PTPRD: variants seen among roughly 807,000 people sequenced by gnomAD.
PTPRD encodes protein tyrosine phosphatase receptor type D.
A neutral mutation model predicts 214.5 loss-of-function variants in PTPRD; 34 were observed. That is an observed-to-expected ratio of 0.16 (90% CI 0.12 to 0.21). PTPRD has a LOEUF of 0.21. Among genes scored for constraint, PTPRD ranks in the 10% least tolerant of loss-of-function variants. The probability of loss-of-function intolerance (pLI) is 1.00; values close to 1 mark genes in which losing one functional copy is unlikely to be tolerated. For synonymous variants in PTPRD, 1,128 were observed against 845.7 expected, an observed-to-expected ratio of 1.33 and a Z score of -5.79; for missense variants, 2,545 against 2,398.7, an observed-to-expected ratio of 1.06 and a Z score of -1.27.
chr9:10,006,975 A>G (rs941978882), intron 4 of PTPRD, among the ~76,000 whole-genome samples: 1 of 151,966 alleles, frequency 6.6e-6, no homozygotes, highest in African/African-American at 2.4e-5. Context: ...CTATTGGTAT[A>G]ATAGCAATAA....
intron 4 of PTPRD, among the ~76,000 whole-genome samples, chr9:9,981,503 C>T (rs940562845): frequency 4.6e-5 from 7 of 151,426 alleles, no homozygotes; most frequent in South Asian, 2.1e-4. Context: ...TACAGGTGCC[C>T]GCCACCATGC....
In PTPRD at chr9:9,375,553, G is replaced by A. The variant is rs576277450; in HGVS notation, c.-203+21896C>T. On this transcript the variant is annotated intron_variant, in intron 9 of 45. Coordinates refer to ENST00000381196, the MANE Select transcript of PTPRD (RefSeq NM_002839.4). ...GGAGGCTGCAGTGAGCCAAGATTGC[G>A]CCACTGCACTCTAGCCTGGGCAACA... Among the ~76,000 whole-genome samples, 14 of 152,144 alleles carry A rather than the reference G, an allele frequency of 9.2e-5. No homozygotes were observed. The East Asian group carries it at 9.7e-4, about 11-fold the overall frequency.
intron 2 of PTPRD, among the ~76,000 whole-genome samples, chr9:10,452,493 C>CT (rs1360878074): frequency 1.3e-5 from 2 of 151,642 alleles, no homozygotes; most frequent in South Asian, 2.1e-4. Context: ...TTGTTATCTT[C>CT]TTTTTTTATA....
chr9:8,735,151 T>G (rs1396783027), intron 11 of PTPRD, among the ~76,000 whole-genome samples: 2 of 125,130 alleles, frequency 1.6e-5, no homozygotes, highest in Admixed American at 8.3e-5. Flanking sequence ...TTTTTTTTTC[T>G]GTTTTTTTTT....
rs996733665 is a variant in PTPRD at position 10,286,457 on chromosome 9, A to T, written c.-545+54506T>A. Among the ~76,000 whole-genome samples, 9 of 152,258 alleles carry T rather than the reference A, an allele frequency of 5.9e-5. No homozygotes were observed. In the South Asian group the frequency reaches 1.0e-3, roughly 18 times the overall value. On this transcript the variant is annotated intron_variant, in intron 3 of 45. Coordinates refer to ENST00000381196, the MANE Select transcript of PTPRD (RefSeq NM_002839.4). ...ACCTCATTAGAAAATAAATACATTT[A>T]AAAAAATTAAAAATTAAAAAAAAAT...
At chr9:9,325,084 G>C (rs959071218) in intron 9 of PTPRD, among the ~76,000 whole-genome samples, 8 of 152,122 alleles carry the variant, frequency 5.3e-5, no homozygotes, top group African/African-American at 1.9e-4. Flanking sequence ...ACGCTGTTTT[G>C]GTTACTGTAG....
At chr9:10,266,194 T>G (rs2094043736) in intron 3 of PTPRD, among the ~76,000 whole-genome samples, 1 of 152,098 alleles carries the variant, frequency 6.6e-6, no homozygotes, top group African/African-American at 2.4e-5. Context: ...ACTAGTTAAG[T>G]GTGCCTTAAA....
At chr9:8,744,843 T>C (rs12336986) in intron 11 of PTPRD, among the ~76,000 whole-genome samples, 9,373 of 152,244 alleles carry the variant, frequency 0.062, 749 homozygotes, top group African/African-American at 0.19. Flanking sequence ...CCCAACGTTG[T>C]CCTCATGACT....
At chr9:9,817,568 C>G (rs908173068) in intron 5 of PTPRD, among the ~76,000 whole-genome samples, 2 of 152,122 alleles carry the variant, frequency 1.3e-5, no homozygotes, top group Non-Finnish European at 2.9e-5. Context: ...TGTATTTACA[C>G]AGATAGGTCC....
intron 5 of PTPRD, among the ~76,000 whole-genome samples, chr9:9,832,889 CTA>C (rs747827552): frequency 4.2e-5 from 6 of 141,680 alleles, no homozygotes; most frequent in Admixed American, 6.9e-5. Context: ...AGCTTTTTTT[CTA>C]TGTTTTTTTT....
intron 10 of PTPRD, among the ~76,000 whole-genome samples, chr9:9,040,640 T>C (rs947593851): frequency 6.6e-6 from 1 of 152,168 alleles, no homozygotes; most frequent in Admixed American, 6.6e-5. Context: ...TTTGAAATCA[T>C]TGTAGCAAGA....
intron 11 of PTPRD, among the ~76,000 whole-genome samples, chr9:9,013,675 A>T (rs1397155957): frequency 6.6e-6 from 1 of 152,144 alleles, no homozygotes; most frequent in East Asian, 1.9e-4. Context: ...ATTTCATTGC[A>T]TACAGAAGCA....
chr9:9,172,595 T>A (rs1357561481), intron 10 of PTPRD, among the ~76,000 whole-genome samples: 1 of 152,142 alleles, frequency 6.6e-6, no homozygotes, highest in Non-Finnish European at 1.5e-5. Flanking sequence ...ATGATAGATG[T>A]GCTATGTCTT....
intron 9 of PTPRD, among the ~76,000 whole-genome samples, chr9:9,248,171 C>A (rs1422037375): frequency 1.3e-5 from 2 of 151,980 alleles, no homozygotes; most frequent in Admixed American, 6.6e-5. Flanking sequence ...CAGTTCACTG[C>A]AACCTTTAAC....
chr9:9,740,082 C>A (rs1413743044), intron 6 of PTPRD, among the ~76,000 whole-genome samples: 1 of 152,052 alleles, frequency 6.6e-6, no homozygotes, highest in Non-Finnish European at 1.5e-5. Flanking sequence ...AGCATCTGGT[C>A]ATTTTTTATG....
At chr9:10,243,014 C>A (rs2475326) in intron 3 of PTPRD, among the ~76,000 whole-genome samples, 135,240 of 151,898 alleles carry the variant, frequency 0.89, 60,227 homozygotes, top group East Asian at 0.98. Flanking sequence ...AGTTCATACA[C>A]ATTTCTGGTT....
At chr9:9,798,301 C>T (rs1027442694) in intron 5 of PTPRD, among the ~76,000 whole-genome samples, 2 of 152,092 alleles carry the variant, frequency 1.3e-5, no homozygotes, top group East Asian at 1.9e-4. Context: ...TTTTACCTGA[C>T]ACAGACACCT....
intron 4 of PTPRD, among the ~76,000 whole-genome samples, chr9:10,031,006 A>T (rs368242376): frequency 1.3e-5 from 2 of 152,188 alleles, no homozygotes; most frequent in African/African-American, 4.8e-5. Flanking sequence ...AAAAAACCCA[A>T]TGCAAAATGA....
chr9:9,417,368 T>A (rs2077299390), intron 8 of PTPRD, among the ~76,000 whole-genome samples: 1 of 152,148 alleles, frequency 6.6e-6, no homozygotes, highest in Non-Finnish European at 1.5e-5. Flanking sequence ...TAATTTTACA[T>A]GCAAACAACA....
Sources: allele counts gnomAD v4.1 joint callset (sites outside exome capture counted in the v4.1 genomes callset), GRCh38; gene constraint gnomAD v4.1.1; transcripts MANE v1.5; gene names NCBI Gene and HGNC (gene_info 2026-07-23, HGNC 2026-07-21).